Variants in TENM3 observed in about 807,000 individuals in gnomAD.
TENM3 encodes teneurin transmembrane protein 3, also known as teneurin-3.
TENM3 carries 63 observed loss-of-function variants against 255.1 expected under a neutral mutation model. The observed-to-expected ratio is 0.25, with a 90% CI of 0.20 to 0.30. The LOEUF (loss-of-function observed/expected upper bound fraction) is 0.30. Ranked by LOEUF, TENM3 falls within the 10% of genes least tolerant of loss-of-function variation. The probability of loss-of-function intolerance (pLI) is 1.00; values close to 1 mark genes in which losing one functional copy is unlikely to be tolerated. For missense variants in TENM3, 2,929 were observed against 3,461.1 expected, an observed-to-expected ratio of 0.85 and a Z score of 3.86; for synonymous variants, 1,306 against 1,322.3, an observed-to-expected ratio of 0.99 and a Z score of 0.27.
intron 3 of TENM3, among the ~76,000 whole-genome samples, chr4:182,404,160 A>C (rs556313274): frequency 6.6e-6 from 1 of 152,094 alleles, no homozygotes; most frequent in East Asian, 1.9e-4. Context: ...TCCCCTTCTC[A>C]TCCAGTAAAA....
chr4:182,754,011 A>T lies in TENM3; in HGVS notation c.4018-374A>T, dbSNP rs1315435507. On this transcript the variant is annotated intron_variant, in intron 21 of 27. Transcript: ENST00000511685. The surrounding 1 kb of genome is among the most constrained non-coding windows in gnomAD (Gnocchi z 5.1). ...AAATAGAAACTTTACTGTTGGCCTG[A>T]TTGAAAACACAATAGAATACTAATC... Among the ~76,000 whole-genome samples the T allele has an allele frequency of 6.6e-6, 1 of 152,182 alleles. No individual in the cohort carries two copies. The highest frequency in any genetic ancestry group is 2.4e-5 in the African/African-American group (1 of 41,446).
chr4:182,075,529 T>C, the TENM3 span, among the ~76,000 whole-genome samples: 3 of 152,286 alleles, frequency 2.0e-5, no homozygotes, highest in East Asian at 1.9e-4. Context: ...TTCAAACACC[T>C]TGTGGACAAA....
intron 2 of TENM3, among the ~76,000 whole-genome samples, chr4:182,335,494 CAA>C (rs372965020): frequency 4.2e-4 from 22 of 52,396 alleles, no homozygotes; most frequent in African/African-American, 6.9e-4. Context: ...GACTCCGCCT[CAA>C]AAAAAAAAAA....
the TENM3 span, among the ~76,000 whole-genome samples, chr4:181,726,005 A>T: frequency 4.6e-5 from 7 of 152,178 alleles, no homozygotes; most frequent in Non-Finnish European, 7.3e-5. Flanking sequence ...TTCAAATGCT[A>T]ACAGGAAAGA....
Position 182,170,712 on chromosome 4 carries a change from GA to G in TENM3, c.-76+25966del, listed in dbSNP as rs897534250. Among the ~76,000 whole-genome samples the G allele has an allele frequency of 2.6e-5, 4 of 151,512 alleles. No homozygotes were observed. In the South Asian group the frequency reaches 8.4e-4, roughly 32 times the overall value. On this transcript the variant is annotated intron_variant, in intron 1 of 2. Coordinates refer to the TENM3 transcript ENST00000512480. Reference sequence around the variant, plus strand: ...ATTTTGATCTTTTTCCAAGTAAAAAGAAAAAAAACCACAAAGCTCCTGTAAG... The same window carrying G: ...ATTTTGATCTTTTTCCAAGTAAAAAGAAAAAAACCACAAAGCTCCTGTAAG...
chr4:181,697,930 G>A, the TENM3 span, among the ~76,000 whole-genome samples: 116,015 of 151,878 alleles, frequency 0.76, 44,466 homozygotes, highest in Admixed American at 0.85. Flanking sequence ...GATAAAATGT[G>A]TTGGCCAGGC....
chr4:182,044,868 C>T, the TENM3 span, among the ~76,000 whole-genome samples: 1 of 152,214 alleles, frequency 6.6e-6, no homozygotes, highest in African/African-American at 2.4e-5. Flanking sequence ...CCCTCCCTGC[C>T]TCAACAGGGA....
At chr4:182,074,438 C>G in the TENM3 span, among the ~76,000 whole-genome samples, 1 of 152,158 alleles carries the variant, frequency 6.6e-6, no homozygotes, top group Non-Finnish European at 1.5e-5. Context: ...TTTTAACAGC[C>G]AGGCAAAGGG....
chr4:181,651,840 T>C, the TENM3 span, among the ~76,000 whole-genome samples: 22 of 152,260 alleles, frequency 1.4e-4, no homozygotes, highest in Non-Finnish European at 2.8e-4. Context: ...AAAACATCCG[T>C]TCAAATAAGA....
chr4:181,467,142 T>TTTTTTTC, the TENM3 span, among the ~76,000 whole-genome samples: 1 of 106,926 alleles, frequency 9.4e-6, no homozygotes, highest in Admixed American at 9.7e-5. Flanking sequence ...TTTTTTTTTT[T>TTTTTTTC]TTTTTTAGGC....
the TENM3 span, among the ~76,000 whole-genome samples, chr4:181,695,725 A>G: frequency 6.6e-6 from 1 of 152,280 alleles, no homozygotes; most frequent in African/African-American, 2.4e-5. Context: ...GACACAGATT[A>G]TTTTATGTTA....
At position 182,228,392 on chromosome 4, in the gene TENM3, G is replaced by GTATA. The variant is rs59926138; in HGVS notation, c.-76+83640_-76+83643dup. Among the ~76,000 whole-genome samples, 89 of 104,512 alleles carry GTATA rather than the reference G, an allele frequency of 8.5e-4. 18 individuals are homozygous for GTATA. The highest frequency in any genetic ancestry group is 2.8e-3 in the African/African-American group (62 of 22,472). The allele number at this position is 104,512 out of a possible 152,430, so 68.6% of individuals were successfully genotyped here. A position where few individuals can be genotyped will look rare whatever the true frequency, so the allele number is the denominator to read the frequency against. ...TGTGTGTGTGTGTGTGTGTGTGTGT[G>GTATA]TATATGTAATCCCTCCCAGCTCTAA... On this transcript the variant is annotated intron_variant, in intron 1 of 2. Transcript: ENST00000512480.
chr4:181,821,667 A>T, the TENM3 span: 1 of 152,232 alleles, frequency 6.6e-6, no homozygotes, highest in African/African-American at 2.4e-5. Flanking sequence ...AAAATAATTT[A>T]TAGAAAACGG....
At chr4:182,336,400 G>T (rs1362531216) in intron 2 of TENM3, among the ~76,000 whole-genome samples, 1 of 151,206 alleles carries the variant, frequency 6.6e-6, no homozygotes, top group Admixed American at 6.6e-5. Flanking sequence ...TTACACAGAA[G>T]CTCTCATTAT....
rs1456730551 is a variant in TENM3 at position 182,232,501 on chromosome 4, G to A, written c.-76+87747G>A. On this transcript the variant is annotated intron_variant, in intron 1 of 2. Coordinates refer to the TENM3 transcript ENST00000512480. ...AGCACTTGGGGAGGCCAAGGTGGGC[G>A]GATTACAAGGTCAAGAGATGGAGAC... Among the ~76,000 whole-genome samples, 11 of 152,098 alleles carry A rather than the reference G, an allele frequency of 7.2e-5. No homozygotes were observed. In the East Asian group the frequency reaches 9.7e-4, roughly 13 times the overall value.
chr4:182,338,784 TA>T (rs1764298233), intron 2 of TENM3, among the ~76,000 whole-genome samples: 1 of 152,158 alleles, frequency 6.6e-6, no homozygotes, highest in Non-Finnish European at 1.5e-5. Context: ...TATTTATTTG[TA>T]TTTTTTTTGC....
intron 3 of TENM3, among the ~76,000 whole-genome samples, chr4:182,592,384 G>A (rs1746750131): frequency 6.6e-6 from 1 of 152,158 alleles, no homozygotes; most frequent in Non-Finnish European, 1.5e-5. Flanking sequence ...TTTTGTCCTT[G>A]TACACTTGGA....
chr4:181,576,256 T>C, the TENM3 span, among the ~76,000 whole-genome samples: 2 of 152,214 alleles, frequency 1.3e-5, no homozygotes, highest in Admixed American at 1.3e-4. Context: ...GTTCCGTCCA[T>C]GTTGCTGCAA....
At chr4:181,867,843 T>C in the TENM3 span, among the ~76,000 whole-genome samples, 2 of 152,296 alleles carry the variant, frequency 1.3e-5, no homozygotes, top group South Asian at 2.1e-4. Flanking sequence ...GTAAGTAGCA[T>C]ATGCATTTCT....
Sources: gnomAD v4.1 joint callset for allele counts (sites outside exome capture counted in the v4.1 genomes callset) on GRCh38, gnomAD v4.1.1 for gene constraint, Gnocchi (gnomAD v3.1) non-coding constraint, MANE v1.5 for transcripts, NCBI Gene and HGNC (gene_info 2026-07-23, HGNC 2026-07-21) for gene names.